GSE1: variants seen among roughly 807,000 people sequenced by gnomAD.
The protein encoded by GSE1 is Gse1 coiled-coil protein.
Under a neutral mutation model 112.6 loss-of-function variants are expected in GSE1, and 32 were observed. The ratio of observed to expected loss-of-function variants is 0.28; its 90% CI spans 0.21 to 0.38. The LOEUF is 0.38. Ranked by LOEUF, GSE1 falls within the 10% of genes least tolerant of loss-of-function variation. The pLI, the probability that GSE1 is intolerant of heterozygous loss-of-function variation, is 1.00. For synonymous variants in GSE1, 1,115 were observed against 735.6 expected (o/e 1.52, Z -8.35); for missense variants, 2,348 against 1,699.2 (o/e 1.38, Z -6.71).
intron 1 of GSE1, among the ~76,000 whole-genome samples, chr16:85,244,926 G>A (rs1905469941): frequency 6.6e-6 from 1 of 151,676 alleles, no homozygotes; most frequent in Non-Finnish European, 1.5e-5. Context: ...GGGAGGCAGA[G>A]GTTGCAGTGA....
intron 1 of GSE1, among the ~76,000 whole-genome samples, chr16:85,629,427 C>T (rs928753232): frequency 2.0e-5 from 3 of 152,196 alleles, no homozygotes; most frequent in Non-Finnish European, 2.9e-5. Flanking sequence ...CCCCACGTTC[C>T]CCTTTTGCGG....
intron 1 of GSE1, among the ~76,000 whole-genome samples, chr16:85,557,955 T>G (rs1450967989): frequency 6.6e-6 from 1 of 152,174 alleles, no homozygotes; most frequent in Admixed American, 6.5e-5. Context: ...TTCCATTCCA[T>G]TCTTGATCTT....
At chr16:85,481,137 C>T (rs1157828136) in intron 2 of GSE1, among the ~76,000 whole-genome samples, 4 of 152,248 alleles carry the variant, frequency 2.6e-5, no homozygotes, top group African/African-American at 7.2e-5. Flanking sequence ...TCTCCCCACC[C>T]GGTCCATCCC....
intron 1 of GSE1, among the ~76,000 whole-genome samples, chr16:85,209,396 C>G (rs79979991): frequency 0.12 from 17,896 of 152,100 alleles, 1,469 homozygotes; most frequent in African/African-American, 0.23. Context: ...CGTGCCCCCG[C>G]CCCTGCTCTG....
rs756560732 is a variant in GSE1, at chr16:85,294,616, ACTCTCTCTCTCTCTCTCT to A, written c.2284-62822_2284-62805del. Among the ~76,000 whole-genome samples the A allele has an allele frequency of 2.3e-3, 176 of 76,656 alleles. 1 individual carries two copies. Among genetic ancestry groups the A allele is most frequent in the African/African-American group, 6.6e-3 (107 of 16,220 alleles). The allele number at this position is 76,656 out of a possible 152,430, so 50.3% of individuals were successfully genotyped here. A position where few individuals can be genotyped will look rare whatever the true frequency, so the allele number is the denominator to read the frequency against. ...CCTGGATCTTGCCAGCACGCCTCTCACTCTCTCTCTCTCTCTCTCTCTCTCTCTCTCTCTCTCTCTCTG... is the reference window on the plus strand; with the variant it reads ...CCTGGATCTTGCCAGCACGCCTCTCACTCTCTCTCTCTCTCTCTCTCTCTG... On this transcript the variant is annotated intron_variant, in intron 1 of 2. Coordinates refer to the GSE1 transcript ENST00000637419.
intron 1 of GSE1, among the ~76,000 whole-genome samples, chr16:85,188,469 T>C (rs1206076211): frequency 6.6e-6 from 1 of 152,074 alleles, no homozygotes; most frequent in African/African-American, 2.4e-5. Flanking sequence ...ACCTAGACCC[T>C]TTTAGTCCAG....
intron 1 of GSE1, among the ~76,000 whole-genome samples, chr16:85,618,187 GA>G (rs997779219): frequency 6.6e-6 from 1 of 152,080 alleles, no homozygotes; most frequent in Non-Finnish European, 1.5e-5. Context: ...GTGGCTTTGG[GA>G]TCACTGGACT....
intron 1 of GSE1, among the ~76,000 whole-genome samples, chr16:85,599,940 CTT>C (rs1349290411): frequency 6.6e-6 from 1 of 152,202 alleles, no homozygotes; most frequent in African/African-American, 2.4e-5. Context: ...GGCTCTGAGA[CTT>C]TTCCTCTCTA....
intron 1 of GSE1, among the ~76,000 whole-genome samples, chr16:85,303,533 C>T (rs2045583115): frequency 6.6e-6 from 1 of 152,258 alleles, no homozygotes; most frequent in Non-Finnish European, 1.5e-5. Context: ...GCTGGACTCG[C>T]TCATTGGACC....
intron 1 of GSE1, among the ~76,000 whole-genome samples, chr16:85,575,718 T>A (rs1424331496): frequency 6.6e-6 from 1 of 152,150 alleles, no homozygotes; most frequent in Non-Finnish European, 1.5e-5. Flanking sequence ...TGGAAGAATG[T>A]CCTTTTATTT....
intron 2 of GSE1, among the ~76,000 whole-genome samples, chr16:85,518,270 T>A (rs532810123): frequency 7.9e-5 from 12 of 152,010 alleles, no homozygotes; most frequent in Non-Finnish European, 1.2e-4. Context: ...CAAGAGAGAA[T>A]GAAGGGGGTC....
chr16:85,320,129 C>T (rs1056382189), intron 1 of GSE1, among the ~76,000 whole-genome samples: 10 of 152,224 alleles, frequency 6.6e-5, no homozygotes, highest in Admixed American at 2.0e-4. Context: ...CAGTCGGGGC[C>T]GGGGAATCCA....
chr16:85,191,787 G>GC (rs2074828330), intron 1 of GSE1, among the ~76,000 whole-genome samples: 1 of 152,270 alleles, frequency 6.6e-6, no homozygotes, highest in East Asian at 1.9e-4. Context: ...TTGTGCTGAT[G>GC]CAACACGTAT....
upstream of GSE1, chr16:85,611,457 C>T (rs989473801): frequency 1.6e-4 from 157 of 984,780 alleles, no homozygotes; most frequent in African/African-American, 2.1e-4. Context: ...GCAAGGGGGG[C>T]GCCGCCGGTG....
At chr16:85,572,418 CCA>C (rs914830673) in intron 1 of GSE1, among the ~76,000 whole-genome samples, 24 of 147,922 alleles carry the variant, frequency 1.6e-4, no homozygotes, top group Middle Eastern at 3.6e-3. Context: ...ACACTACACA[CCA>C]CACACACACA....
intron 2 of GSE1, among the ~76,000 whole-genome samples, chr16:85,467,962 G>T (rs2050172130): frequency 6.6e-6 from 1 of 152,206 alleles, no homozygotes; most frequent in African/African-American, 2.4e-5. Context: ...GGACAGAAGA[G>T]AATGGGGCGT....
intron 1 of GSE1, among the ~76,000 whole-genome samples, chr16:85,625,767 G>A (rs1291322470): frequency 1.3e-5 from 2 of 152,192 alleles, no homozygotes; most frequent in Admixed American, 1.3e-4. Flanking sequence ...TGGCTGCTGG[G>A]GGCCCTAGGC....
In GSE1 at chr16:85,672,442, G is replaced by A. The variant is rs757078337; in HGVS notation, c.3557G>A (p.Arg1186Lys). 2.5e-6 allele frequency: 4 copies of A among 1,610,924 alleles called. No individual in the cohort carries two copies. Among genetic ancestry groups the A allele is most frequent in the African/African-American group, 1.3e-5 (1 of 74,840 alleles). Residue 1186 changes from arginine to lysine, a missense_variant, in exon 16 of 16, where the codon AGG (arginine) becomes AAG (lysine). Transcript: ENST00000253458. ...RSQKQKMVSE[R>K]ERLQAELDHL... ...CAGAAACAGAAGATGGTCTCAGAAAGGGAGCGGCTCCAGGCAGAACTGGAC... is the reference window on the plus strand; with the variant it reads ...CAGAAACAGAAGATGGTCTCAGAAAAGGAGCGGCTCCAGGCAGAACTGGAC...
Position 85,342,202 on chromosome 16 carries a change from C to T in GSE1, c.2284-15261C>T, listed in dbSNP as rs940162008. Reference sequence around the variant, plus strand: ...CATGATCCCGTGACAGAAACCCTGCCCTGGCGTTAACTCACACTGTAGCCA... The same window carrying T: ...CATGATCCCGTGACAGAAACCCTGCTCTGGCGTTAACTCACACTGTAGCCA... On this transcript the variant is annotated intron_variant, in intron 1 of 2. Transcript: ENST00000637419. Among the ~76,000 whole-genome samples, 6 of 152,150 alleles carry T rather than the reference C, an allele frequency of 3.9e-5. No homozygotes were observed. The East Asian group carries it at 1.2e-3, about 29-fold the overall frequency.
Sources: gnomAD v4.1 joint callset for allele counts (sites outside exome capture counted in the v4.1 genomes callset) on GRCh38, gnomAD v4.1.1 for gene constraint, MANE v1.5 for transcripts, NCBI Gene and HGNC (gene_info 2026-07-23, HGNC 2026-07-21) for gene names.